The following BAG3 variants were observed in gnomAD, a reference collection of about 807,000 sequenced individuals.
BAG3 encodes the protein BAG cochaperone 3, also known as BAG family molecular chaperone regulator 3.
Under a neutral mutation model 40.5 loss-of-function variants are expected in BAG3, and 14 were observed. The observed-to-expected ratio is 0.35, with a 90% CI of 0.23 to 0.54. BAG3 has a LOEUF of 0.54. BAG3 is among the 20% of genes least tolerant of loss of function. The pLI, the probability that BAG3 is intolerant of heterozygous loss-of-function variation, is 0.91. For synonymous variants in BAG3, 302 were observed against 307.8 expected, an observed-to-expected ratio of 0.98 and a Z score of 0.20; for missense variants, 788 against 758.6, an observed-to-expected ratio of 1.04 and a Z score of -0.46.
At chr10:119,665,738 T>C (rs1847055962) in intron 1 of BAG3, among the ~76,000 whole-genome samples, 1 of 152,008 alleles carries the variant, frequency 6.6e-6, no homozygotes, top group Non-Finnish European at 1.5e-5. Context: ...CATGTAGAAG[T>C]GTTTAATTGC....
intron 1 of BAG3, among the ~76,000 whole-genome samples, chr10:119,667,316 G>GA (rs1335476761): frequency 6.6e-6 from 1 of 152,170 alleles, no homozygotes; most frequent in Non-Finnish European, 1.5e-5. Context: ...TTTGGAGTCT[G>GA]AAAAGCATAA....
chr10:119,658,506 T>C (rs567292067), intron 1 of BAG3, among the ~76,000 whole-genome samples: 1 of 152,360 alleles, frequency 6.6e-6, no homozygotes, highest in African/African-American at 2.4e-5. Flanking sequence ...CAGAGCACAC[T>C]TGAACTGAAT....
chr10:119,670,679 C>T (rs924616916), intron 2 of BAG3, among the ~76,000 whole-genome samples: 1 of 152,188 alleles, frequency 6.6e-6, no homozygotes, highest in East Asian at 1.9e-4. Context: ...CTGCCCTCAC[C>T]GTGCACCACA....
Position 119,677,027 on chromosome 10 carries a change from G to C in BAG3, c.1473G>C (p.Leu491Phe). 1 of 1,614,176 alleles carries C rather than the reference G, an allele frequency of 6.2e-7. No individual in the cohort carries two copies. The highest frequency in any genetic ancestry group is 8.5e-7 in the Non-Finnish European group (1 of 1,180,038). Residue 491 changes from leucine to phenylalanine, a missense_variant, in exon 4 of 4, where the codon TTG (leucine) becomes TTC (phenylalanine). Coordinates refer to ENST00000369085, the MANE Select transcript of BAG3 (RefSeq NM_004281.4). ...RDGVRKVQTI[L>F]EKLEQKAIDV... ...GTGTCAGGAAGGTTCAGACCATCTT[G>C]GAAAAACTTGAACAGAAAGCCATTG... is the stretch of plus-strand genomic sequence containing the variant.
Position 119,672,193 on chromosome 10 carries a change from C to G in BAG3, c.508-62C>G. 6.2e-7 allele frequency: 1 copy of G among 1,600,100 alleles called. No homozygotes were observed. Among genetic ancestry groups the G allele is most frequent in the Non-Finnish European group, 8.5e-7 (1 of 1,174,878 alleles). On this transcript the variant is annotated intron_variant, in intron 2 of 3. Transcript: ENST00000369085. The surrounding 1 kb of genome is among the most constrained non-coding windows in gnomAD (Gnocchi z 4.8). ...GGAGGTGCACAGCAGAAGGCGTGGT[C>G]AGGATGCCAAGCCAGGGGAGTCATT... is the stretch of plus-strand genomic sequence containing the variant.
intron 1 of BAG3, among the ~76,000 whole-genome samples, chr10:119,655,181 G>C (rs1286744053): frequency 6.6e-6 from 1 of 152,080 alleles, no homozygotes; most frequent in Non-Finnish European, 1.5e-5. Context: ...TTTCCTTCTT[G>C]GGGAAACTCC....
chr10:119,664,080 C>T (rs534738052), intron 1 of BAG3, among the ~76,000 whole-genome samples: 2 of 152,366 alleles, frequency 1.3e-5, no homozygotes, highest in South Asian at 2.1e-4. Context: ...GGACCAAGTG[C>T]AGCCTCTTCC....
At chr10:119,666,533 A>G (rs988534669) in intron 1 of BAG3, among the ~76,000 whole-genome samples, 4 of 152,226 alleles carry the variant, frequency 2.6e-5, no homozygotes, top group African/African-American at 4.8e-5. Context: ...CTCTTTTTCA[A>G]TGGAGGCACA....
chr10:119,666,237 T>C (rs1461716550), intron 1 of BAG3, among the ~76,000 whole-genome samples: 1 of 152,166 alleles, frequency 6.6e-6, no homozygotes. Context: ...GTTGGAACAC[T>C]CAGAAGGGTG....
chr10:119,659,384 G>T lies in BAG3; in HGVS notation c.180+7529G>T, dbSNP rs539043866. 1.8e-4 allele frequency among the ~76,000 whole-genome samples: 27 copies of T among 152,334 alleles called. No homozygotes were observed. In the South Asian group the frequency reaches 5.4e-3, roughly 30 times the overall value. Reference sequence around the variant, plus strand: ...CAGGAGCTAGGAGCGCTGCCTGTGAGGGGGGACATCAGCCCACCTTACTGA... The same window carrying T: ...CAGGAGCTAGGAGCGCTGCCTGTGATGGGGGACATCAGCCCACCTTACTGA... On this transcript the variant is annotated intron_variant, in intron 1 of 3. Coordinates refer to ENST00000369085, the MANE Select transcript of BAG3 (RefSeq NM_004281.4).
rs577455773 is a variant in BAG3 at position 119,677,205 on chromosome 10, C to A, written c.1651C>A (p.Gln551Lys). The A allele has an allele frequency of 6.2e-6, 10 of 1,614,018 alleles. No homozygotes were observed. Among genetic ancestry groups the A allele is most frequent in the African/African-American group, 2.7e-5 (2 of 74,928 alleles). ...AGAAGATCCCCACACAGAAACCCAG[C>A]AGCCAGAAGCCACAGCAGCAGCGAC... The part of the protein sequence containing the change: ...NAEDPHTETQ[Q>K]PEATAAATSN... The change falls in exon 4 of 4, where the codon CAG (glutamine) becomes AAG (lysine). Residue 551 changes from glutamine to lysine, a missense_variant. By Grantham distance (53) the Gln-to-Lys change is moderately conservative. Transcript: ENST00000369085.
At chr10:119,675,750 T>TTC (rs1847208842) in intron 3 of BAG3, among the ~76,000 whole-genome samples, 1 of 126,432 alleles carries the variant, frequency 7.9e-6, no homozygotes, top group African/African-American at 3.0e-5. Context: ...TTTTTTTCCT[T>TTC]CTTTCCTTCC....
In BAG3 at chr10:119,651,839, C is replaced by T. The variant is rs1277623691; in HGVS notation, c.164C>T (p.Pro55Leu). The change falls in exon 1 of 4, where the codon CCC (proline) becomes CTC (leucine). Residue 55 changes from proline to leucine, a missense_variant. Physicochemically the swap from Pro to Leu is moderately conservative, Grantham distance 98 (BLOSUM62 -3). Coordinates refer to ENST00000369085, the MANE Select transcript of BAG3 (RefSeq NM_004281.4). ...RTTTWNDPRV[P>L]SEGPKETPSS... ...ACTACGTGGAACGACCCGCGCGTGC[C>T]CTCTGAGGGCCCCAAGGTGAGCCGG... 5 of 1,584,168 alleles carry T rather than the reference C, an allele frequency of 3.2e-6. No homozygotes were observed. The highest frequency in any genetic ancestry group is 4.3e-6 in the Non-Finnish European group (5 of 1,166,590).
intron 1 of BAG3, among the ~76,000 whole-genome samples, chr10:119,661,278 A>AAAGG (rs1281440389): frequency 2.0e-5 from 3 of 152,162 alleles, no homozygotes; most frequent in Non-Finnish European, 4.4e-5. Context: ...AGAAAGAAAG[A>AAAGG]AAGAAAAAGA....
chr10:119,656,780 A>AACAC lies in BAG3; in HGVS notation c.180+4933_180+4936dup, dbSNP rs542987811. The AACAC allele has an allele frequency of 1.5e-3, 227 of 152,096 alleles. 2 individuals are homozygous for AACAC. The highest frequency in any genetic ancestry group is 5.1e-3 in the African/African-American group (210 of 41,466). 9.4% of individuals were successfully genotyped at this position (152,096 alleles called of 1,614,324 possible). On this transcript the variant is annotated intron_variant, in intron 1 of 3. Transcript: ENST00000369085. ...TGAATGTAGTATTTTTCTGTCTGTC[A>AACAC]ACACACACACATATATATATATATG...
chr10:119,659,523 T>C (rs1014824826), intron 1 of BAG3, among the ~76,000 whole-genome samples: 1 of 152,136 alleles, frequency 6.6e-6, no homozygotes, highest in Non-Finnish European at 1.5e-5. Flanking sequence ...CTGGGGGGTG[T>C]GGCTGCTGTG....
intron 1 of BAG3, among the ~76,000 whole-genome samples, chr10:119,652,292 C>T (rs1846853482): frequency 6.6e-6 from 1 of 152,190 alleles, no homozygotes; most frequent in Non-Finnish European, 1.5e-5. Context: ...ACCCTGCTGA[C>T]CGCGGACTCG....
intron 3 of BAG3, among the ~76,000 whole-genome samples, chr10:119,675,613 T>C (rs1231976402): frequency 6.6e-6 from 1 of 152,154 alleles, no homozygotes; most frequent in Admixed American, 6.5e-5. Flanking sequence ...GTGAGCAGAC[T>C]GTCTGCACAG....
chr10:119,667,591 G>T (rs754732646), intron 1 of BAG3, among the ~76,000 whole-genome samples: 1 of 152,102 alleles, frequency 6.6e-6, no homozygotes, highest in East Asian at 1.9e-4. Flanking sequence ...CATCCCTCAG[G>T]GCCTCCGTGC....
Sources: allele counts gnomAD v4.1 joint callset (sites outside exome capture counted in the v4.1 genomes callset), GRCh38; gene constraint gnomAD v4.1.1; non-coding constraint Gnocchi (gnomAD v3.1); transcripts MANE v1.5; gene names NCBI Gene and HGNC (gene_info 2026-07-23, HGNC 2026-07-21).